The following GUCD1 variants were observed in gnomAD, a reference collection of about 807,000 sequenced individuals.
GUCD1 encodes guanylyl cyclase domain containing 1.
In GUCD1, 17 loss-of-function variants were observed where a neutral mutation model predicts 28.3. The ratio of observed to expected loss-of-function variants is 0.60; its 90% CI spans 0.41 to 0.90. The LOEUF (loss-of-function observed/expected upper bound fraction) is 0.90, where lower values mean the gene tolerates loss of function less well. Among genes scored for constraint, GUCD1 ranks in the 40% least tolerant of loss-of-function variants. The pLI is 0.00. For missense variants in GUCD1, 279 were observed against 305.5 expected (o/e 0.91, Z 0.65); for synonymous variants, 129 against 123.3 (o/e 1.05, Z -0.30).
upstream of GUCD1, chr22:24,555,570 C>T: frequency 6.5e-7 from 1 of 1,544,262 alleles, no homozygotes; most frequent in Non-Finnish European, 8.8e-7. Context: ...CTATACCTAA[C>T]TTTATCCGTA....
At chr22:24,548,102 C>G (rs1222341313) in intron 2 of GUCD1, 29 bp from the exon 3 acceptor site, 4 of 1,606,668 alleles carry the variant, frequency 2.5e-6, no homozygotes, top group African/African-American at 1.3e-5. Context: ...GGGAGCTCAG[C>G]TTGGTCTTGA....
At position 24,542,617 on chromosome 22, in the gene GUCD1, C is replaced by T. The variant is rs149335484; in HGVS notation, c.*389G>A. 4 of 256,496 alleles carry T rather than the reference C, an allele frequency of 1.6e-5. No homozygotes were observed. Among genetic ancestry groups the T allele is most frequent in the Admixed American group, 4.7e-5 (1 of 21,108 alleles). The allele number at this position is 256,496 out of a possible 1,614,324, so 15.9% of individuals were successfully genotyped here. On this transcript the variant is annotated 3_prime_UTR_variant, in exon 6 of 6. Transcript: ENST00000435822. ...TGTCTCCAGACACTCACATACTGTC[C>T]TGACAAGTGGCATCCGTCAAGCAAC...
chr22:24,545,992 C>T (rs185055794), intron 4 of GUCD1, among the ~76,000 whole-genome samples: 13 of 148,722 alleles, frequency 8.7e-5, no homozygotes, highest in Admixed American at 6.1e-4. Context: ...GACAGAGTCT[C>T]GCTCTGTCCC....
chr22:24,552,831 A>T (rs2044918466), intron 1 of GUCD1, among the ~76,000 whole-genome samples: 1 of 151,068 alleles, frequency 6.6e-6, no homozygotes, highest in Non-Finnish European at 1.5e-5. Flanking sequence ...ACAGGGTCTC[A>T]CTCTGTCGCC....
intron 1 of GUCD1, among the ~76,000 whole-genome samples, chr22:24,554,148 G>T (rs540486136): frequency 6.6e-6 from 1 of 152,362 alleles, no homozygotes; most frequent in Admixed American, 6.5e-5. Context: ...GTAAACAACT[G>T]CACGCAGCGC....
Position 24,555,118 on chromosome 22 carries a change from A to G in GUCD1, c.-127T>C, listed in dbSNP as rs11704895. On this transcript the variant is annotated 5_prime_UTR_variant, in exon 1 of 6. Transcript: ENST00000435822. ...TCCGCCACCGCCGCCGCTGCGGAGG[A>G]GAGAACGGGAGGCGGCGGCTGGGCC... 0.99 allele frequency: 1,298,174 copies of G among 1,313,530 alleles called. 642,209 individuals are homozygous for G. The highest frequency in any genetic ancestry group is 1 in the Non-Finnish European group (1,031,622 of 1,032,282). The allele number at this position is 1,313,530 out of a possible 1,614,324, so 81.4% of individuals were successfully genotyped here.
rs189716380 is a variant in GUCD1, at chr22:24,546,010, G to A, written c.386+904C>T. The stretch of plus-strand genomic sequence containing the variant: ...AGAGTCTCGCTCTGTCCCCCAGGCC[G>A]GAGTGCAGTGGCACTATCTCGGCTC... On this transcript the variant is annotated intron_variant, in intron 4 of 5. Coordinates refer to ENST00000435822, the MANE Select transcript of GUCD1 (RefSeq NM_001284254.2). Among the ~76,000 whole-genome samples the A allele has an allele frequency of 9.8e-3, 1,485 of 151,364 alleles. 7 individuals carry two copies. Among genetic ancestry groups the A allele is most frequent in the Non-Finnish European group, 0.016 (1,070 of 67,860 alleles).
In GUCD1 at chr22:24,543,997, T is replaced by C. The variant is rs146573901; in HGVS notation, c.473A>G (p.Asp158Gly). The change falls in exon 5 of 6, where the codon GAC becomes GGC. Residue 158 changes from aspartate (D) to glycine (G), a missense_variant. Coordinates refer to ENST00000435822, the MANE Select transcript of GUCD1 (RefSeq NM_001284254.2). ...VLVNSGVLHCDLCSSPVKYCC... is the reference protein window; with the variant it reads ...VLVNSGVLHCGLCSSPVKYCC... ...GTACTTGACAGGGCTGGAGCACAGGTCACAGTGCAGCACCCCCGAGTTCAC... is the reference window on the plus strand; with the variant it reads ...GTACTTGACAGGGCTGGAGCACAGGCCACAGTGCAGCACCCCCGAGTTCAC... The C allele has an allele frequency of 4.3e-6, 7 of 1,613,618 alleles. No homozygotes were observed. The African/African-American group carries it at 5.3e-5, about 12-fold the overall frequency.
At chr22:24,544,213 TC>T in intron 4 of GUCD1, 130 bp from the exon 5 acceptor site, 1 of 1,299,070 alleles carries the variant, frequency 7.7e-7, no homozygotes, top group Non-Finnish European at 1.0e-6. Flanking sequence ...TGCCCTGAAC[TC>T]CCTGCTCTGT....
intron 5 of GUCD1, 134 bp downstream of exon 5, chr22:24,543,708 G>A (rs893020719): frequency 8.7e-7 from 1 of 1,152,150 alleles, no homozygotes; most frequent in Non-Finnish European, 1.2e-6. Flanking sequence ...CCCAGGAGGA[G>A]CAGGGGCTTT....
At chr22:24,547,071 G>A (rs1381272441) in intron 3 of GUCD1, 66 bp from the exon 4 acceptor site, 1 of 1,236,862 alleles carries the variant, frequency 8.1e-7, no homozygotes, top group East Asian at 2.3e-5. Flanking sequence ...TTAGATGAAG[G>A]AAATAAAGAG....
chr22:24,549,360 C>T (rs1229075768), intron 1 of GUCD1, among the ~76,000 whole-genome samples: 1 of 151,962 alleles, frequency 6.6e-6, no homozygotes, highest in Non-Finnish European at 1.5e-5. Context: ...CTGGACATAC[C>T]TGGCTTCCCA....
intron 1 of GUCD1, among the ~76,000 whole-genome samples, chr22:24,553,611 T>C (rs1465759305): frequency 6.6e-6 from 1 of 152,188 alleles, no homozygotes; most frequent in East Asian, 1.9e-4. Context: ...TGAGGCTCCC[T>C]CCTTACTCTG....
At chr22:24,547,614 G>C (rs762283) in intron 3 of GUCD1, 1 of 368,748 alleles carries the variant, frequency 2.7e-6, no homozygotes, top group Non-Finnish European at 5.1e-6. Flanking sequence ...AGGACAGTAG[G>C]AAAGAACGTA....
chr22:24,548,871 G>A (rs1280471239), intron 2 of GUCD1, 46 bp downstream of exon 2: 1 of 1,411,442 alleles, frequency 7.1e-7, no homozygotes, highest in Non-Finnish European at 9.8e-7. Context: ...CAGAGCAGAA[G>A]ATGTAGATGG....
Position 24,547,969 on chromosome 22 carries a change from A to T in GUCD1, c.233T>A (p.Phe78Tyr). 6.2e-7 allele frequency: 1 copy of T among 1,614,188 alleles called. No homozygotes were observed. The highest frequency in any genetic ancestry group is 8.5e-7 in the Non-Finnish European group (1 of 1,180,034). ...GGTACAGAAGCGGTGCCTCACGCCA[A>T]AGTGGTGCATCAGGTAGGCCAGGTC... ...TIDLAYLMHH[F>Y]GVRHRFCTQT... Residue 78 changes from phenylalanine (F) to tyrosine (Y), a missense_variant, in exon 3 of 6, where the codon TTT becomes TAT. By Grantham distance (22) the Phe-to-Tyr change is conservative. Transcript: ENST00000435822.
In GUCD1 at chr22:24,542,943, C is replaced by T; in HGVS notation, c.*63G>A. On this transcript the variant is annotated 3_prime_UTR_variant, in exon 6 of 6. Coordinates refer to ENST00000435822, the MANE Select transcript of GUCD1 (RefSeq NM_001284254.2). ...AGCCCCAAGCCTGGGCCAGGGCATC[C>T]TGAGCGGGCCCGGCTGGGGTGGGGA... 8.1e-7 allele frequency: 1 copy of T among 1,241,782 alleles called. No individual in the cohort carries two copies. Among genetic ancestry groups the T allele is most frequent in the Non-Finnish European group, 1.2e-6 (1 of 842,200 alleles). 76.9% of individuals were successfully genotyped at this position (1,241,782 alleles called of 1,614,324 possible).
chr22:24,549,605 G>A (rs562439159), intron 1 of GUCD1, among the ~76,000 whole-genome samples: 13 of 152,040 alleles, frequency 8.6e-5, no homozygotes, highest in African/African-American at 2.2e-4. Context: ...TGCGATTCCC[G>A]GGTGGCAAGT....
Position 24,543,065 on chromosome 22 carries a change from C to T in GUCD1, c.661G>A (p.Glu221Lys). ...TCTGTGCCATAGCTGGTTCTGGCCT[C>T]CTCAAAGTTACTGATGCTGGTGCTG... ...MCSTSISNFE[E>K]ARTSYGTDED... Residue 221 changes from glutamate to lysine, a missense_variant, in exon 6 of 6, where the codon GAG (glutamate) becomes AAG (lysine). By Grantham distance (56) the Glu-to-Lys change is moderately conservative. Transcript: ENST00000435822. 2 of 1,614,042 alleles carry T rather than the reference C, an allele frequency of 1.2e-6. No homozygotes were observed. The highest frequency in any genetic ancestry group is 1.7e-6 in the Non-Finnish European group (2 of 1,179,926).
Sources: gnomAD v4.1 joint callset for allele counts (sites outside exome capture counted in the v4.1 genomes callset) on GRCh38, gnomAD v4.1.1 for gene constraint, MANE v1.5 for transcripts, NCBI Gene and HGNC (gene_info 2026-07-23, HGNC 2026-07-21) for gene names.